Variants in FOXP2 observed in about 807,000 individuals in gnomAD.
FOXP2 encodes forkhead box protein P2.
Under a neutral mutation model 115.8 loss-of-function variants are expected in FOXP2, and 12 were observed. The observed-to-expected ratio is 0.10, with a 90% confidence interval of 0.07 to 0.17. The LOEUF is 0.17. Ranked by LOEUF, FOXP2 falls within the 10% of genes least tolerant of loss-of-function variation. The pLI, the probability that FOXP2 is intolerant of heterozygous loss-of-function variation, is 1.00. For missense variants in FOXP2, 629 were observed against 843.5 expected, an observed-to-expected ratio of 0.75 and a Z score of 3.15; for synonymous variants, 328 against 297.7, an observed-to-expected ratio of 1.10 and a Z score of -1.05.
In FOXP2 at chr7:114,196,743, A is replaced by C. The variant is rs544464363; in HGVS notation, c.-102+33655A>C. On this transcript the variant is annotated intron_variant, in intron 1 of 17. Coordinates refer to the FOXP2 transcript ENST00000634411. ...GTATGCGATCTGCAATCTGAGCTTT[A>C]ACAAGCTCTACTTGTGATTCTGATG... Among the ~76,000 whole-genome samples the C allele has an allele frequency of 3.9e-5, 6 of 152,302 alleles. No individual in the cohort carries two copies. The East Asian group carries it at 1.2e-3, about 29-fold the overall frequency.
intron 1 of FOXP2, among the ~76,000 whole-genome samples, chr7:114,268,783 TA>T (rs1320151784): frequency 6.6e-6 from 1 of 152,042 alleles, no homozygotes; most frequent in Non-Finnish European, 1.5e-5. Flanking sequence ...CATAGATTAG[TA>T]ACACTAAATT....
intron 1 of FOXP2, among the ~76,000 whole-genome samples, chr7:114,150,661 A>G (rs1792505964): frequency 6.6e-6 from 1 of 152,052 alleles, no homozygotes. Context: ...TTTAAAATAG[A>G]TATATATTCT....
intron 2 of FOXP2, among the ~76,000 whole-genome samples, chr7:114,318,134 TC>T (rs1797317866): frequency 6.6e-6 from 1 of 152,224 alleles, no homozygotes; most frequent in African/African-American, 2.4e-5. Flanking sequence ...TTTCTCATTT[TC>T]CAATTTACTG....
At chr7:114,196,081 C>T (rs753018984) in intron 1 of FOXP2, among the ~76,000 whole-genome samples, 24 of 152,186 alleles carry the variant, frequency 1.6e-4, no homozygotes, top group Non-Finnish European at 2.9e-4. Context: ...GGCGTGATCT[C>T]GGCTCACTGT....
chr7:114,280,993 G>A (rs535257918), intron 1 of FOXP2, among the ~76,000 whole-genome samples: 17 of 151,326 alleles, frequency 1.1e-4, no homozygotes, highest in Admixed American at 2.0e-4. Flanking sequence ...CACTTAGGGT[G>A]TCTTTTATCT....
chr7:114,400,157 CAG>C lies in FOXP2; in HGVS notation c.-10-26342_-10-26341del, dbSNP rs1261342188. On this transcript the variant is annotated intron_variant, in intron 2 of 17. Coordinates refer to the FOXP2 transcript ENST00000634411. ...ACAGGTGTGAGCCACTGCGCCTGGC[CAG>C]AGTCATCATTTTCTTTGTAAAATTT... Among the ~76,000 whole-genome samples, 6 of 152,140 alleles carry C rather than the reference CAG, an allele frequency of 3.9e-5. No homozygotes were observed. The East Asian group carries it at 1.2e-3, about 29-fold the overall frequency.
intron 2 of FOXP2, among the ~76,000 whole-genome samples, chr7:114,489,387 A>G (rs1237392275): frequency 6.6e-5 from 10 of 152,170 alleles, no homozygotes; most frequent in Non-Finnish European, 1.0e-4. Context: ...GAAATAGTCA[A>G]TTCATCTAAC....
chr7:114,383,677 C>T (rs1206884470), intron 2 of FOXP2, among the ~76,000 whole-genome samples: 5 of 152,068 alleles, frequency 3.3e-5, no homozygotes, highest in South Asian at 2.1e-4. Flanking sequence ...CGTGGCCAGG[C>T]GGTACTGCAG....
At chr7:114,602,502 CT>C (rs1175126502) in intron 3 of FOXP2, among the ~76,000 whole-genome samples, 2 of 151,942 alleles carry the variant, frequency 1.3e-5, no homozygotes, top group Non-Finnish European at 1.5e-5. Context: ...CCTATGATTA[CT>C]TTGAATTTAG....
chr7:114,603,826 A>G (rs1031844945), intron 3 of FOXP2, among the ~76,000 whole-genome samples: 3 of 152,234 alleles, frequency 2.0e-5, no homozygotes, highest in African/African-American at 7.2e-5. Flanking sequence ...TAGCCTTAAA[A>G]AACGAAATTA....
At chr7:114,099,871 G>T (rs993427720) in intron 1 of FOXP2, among the ~76,000 whole-genome samples, 1 of 152,020 alleles carries the variant, frequency 6.6e-6, no homozygotes, top group Admixed American at 6.6e-5. Flanking sequence ...GAGGGTTTTG[G>T]GTAATAAAAT....
intron 3 of FOXP2, among the ~76,000 whole-genome samples, chr7:114,569,031 A>G (rs188442681): frequency 1.6e-4 from 24 of 152,090 alleles, no homozygotes; most frequent in Admixed American, 1.3e-3. Flanking sequence ...TCAGTATTAA[A>G]TATAAACAGT....
intron 1 of FOXP2, among the ~76,000 whole-genome samples, chr7:114,149,065 T>C (rs1480251129): frequency 2.0e-5 from 3 of 152,130 alleles, no homozygotes; most frequent in Non-Finnish European, 4.4e-5. Context: ...ATGGTGCACA[T>C]GCAAATATTT....
intron 1 of FOXP2, among the ~76,000 whole-genome samples, chr7:114,144,859 G>A (rs1182942410): frequency 6.6e-6 from 1 of 152,106 alleles, no homozygotes; most frequent in Non-Finnish European, 1.5e-5. Context: ...CTTAAAATGA[G>A]TGTTATCAAA....
intron 1 of FOXP2, among the ~76,000 whole-genome samples, chr7:114,140,906 G>T (rs1792190221): frequency 6.6e-6 from 1 of 151,932 alleles, no homozygotes; most frequent in South Asian, 2.1e-4. Context: ...TCAACCAGAT[G>T]TACCTTGTTC....
intron 3 of FOXP2, among the ~76,000 whole-genome samples, chr7:114,536,322 GT>G: frequency 1.3e-5 from 2 of 150,780 alleles, no homozygotes; most frequent in Middle Eastern, 3.5e-3. Context: ...CCAAAGCTAA[GT>G]CCAGTAGAAG....
intron 1 of FOXP2, among the ~76,000 whole-genome samples, chr7:114,190,857 G>T (rs1006074637): frequency 9.2e-5 from 14 of 152,078 alleles, no homozygotes; most frequent in African/African-American, 3.4e-4. Context: ...CTATCAAATT[G>T]TAAAATGATT....
intron 1 of FOXP2, among the ~76,000 whole-genome samples, chr7:114,246,645 TA>T (rs1331863532): frequency 6.6e-6 from 1 of 152,148 alleles, no homozygotes; most frequent in Non-Finnish European, 1.5e-5. Flanking sequence ...TTTGAGCATT[TA>T]CAGTGTAGTT....
chr7:114,186,945 A>G (rs1793622730), intron 1 of FOXP2, among the ~76,000 whole-genome samples: 1 of 152,154 alleles, frequency 6.6e-6, no homozygotes, highest in South Asian at 2.1e-4. Context: ...AGGGTAAGGA[A>G]TGCTGAGGTC....
Sources: allele counts gnomAD v4.1 joint callset (sites outside exome capture counted in the v4.1 genomes callset), GRCh38; gene constraint gnomAD v4.1.1; transcripts MANE v1.5; gene names NCBI Gene and HGNC (gene_info 2026-07-23, HGNC 2026-07-21).